The following MNAT1 variants were observed in gnomAD, a reference collection of about 807,000 sequenced individuals.
MNAT1 encodes CDK-activating kinase assembly factor MAT1.
A neutral mutation model predicts 42.0 loss-of-function variants in MNAT1; 43 were observed. The ratio of observed to expected loss-of-function variants is 1.02; its 90% confidence interval spans 0.80 to 1.32. The LOEUF is 1.32. Ranked by LOEUF, MNAT1 falls within the 40% of genes most tolerant of loss-of-function variation. MNAT1 has a pLI of 0.00. For synonymous variants in MNAT1, 118 were observed against 120.0 expected (o/e 0.98, Z 0.11); for missense variants, 306 against 350.4 (o/e 0.87, Z 1.01).
chr14:60,801,663 C>T (rs1450694263), intron 3 of MNAT1, among the ~76,000 whole-genome samples: 1 of 152,016 alleles, frequency 6.6e-6, no homozygotes, highest in African/African-American at 2.4e-5. Flanking sequence ...TGGGTATTAT[C>T]AAAAAGATGA....
At chr14:60,892,050 T>A (rs993342030) in intron 7 of MNAT1, among the ~76,000 whole-genome samples, 5 of 152,206 alleles carry the variant, frequency 3.3e-5, no homozygotes, top group Non-Finnish European at 5.9e-5. Context: ...TTATTAACAC[T>A]TAAATTATGG....
At chr14:60,900,832 C>CA (rs1410063156) in intron 7 of MNAT1, among the ~76,000 whole-genome samples, 1 of 151,082 alleles carries the variant, frequency 6.6e-6, no homozygotes, top group Non-Finnish European at 1.5e-5. Flanking sequence ...GGCAACATGG[C>CA]AAAAAATACA....
At chr14:60,958,268 A>G (rs976265746) in intron 7 of MNAT1, among the ~76,000 whole-genome samples, 1 of 152,016 alleles carries the variant, frequency 6.6e-6, no homozygotes, top group African/African-American at 2.4e-5. Context: ...TTTGTCCCTC[A>G]TTGGTGAAGG....
chr14:60,946,033 A>T (rs757309142), intron 7 of MNAT1, among the ~76,000 whole-genome samples: 48 of 152,316 alleles, frequency 3.2e-4, no homozygotes, highest in Admixed American at 9.8e-4. Flanking sequence ...TATTGGCAGA[A>T]AGGCCTGTCC....
intron 1 of MNAT1, among the ~76,000 whole-genome samples, chr14:60,781,136 AT>A (rs1399471050): frequency 6.6e-6 from 1 of 152,144 alleles, no homozygotes; most frequent in Non-Finnish European, 1.5e-5. Flanking sequence ...TTTGACTTTA[AT>A]TTATGTAACT....
chr14:60,746,143 T>G (rs1381949020), intron 1 of MNAT1, among the ~76,000 whole-genome samples: 1 of 152,198 alleles, frequency 6.6e-6, no homozygotes, highest in Non-Finnish European at 1.5e-5. Context: ...GCCATTTAAC[T>G]TTGGTTTGTT....
At chr14:60,751,349 TCTA>T (rs1430671082) in intron 1 of MNAT1, among the ~76,000 whole-genome samples, 1 of 152,152 alleles carries the variant, frequency 6.6e-6, no homozygotes, top group Admixed American at 6.5e-5. Flanking sequence ...ATCATTTTGA[TCTA>T]CTTAGAACAA....
chr14:60,917,536 A>G (rs1320337800), intron 7 of MNAT1, among the ~76,000 whole-genome samples: 2 of 152,170 alleles, frequency 1.3e-5, no homozygotes, highest in African/African-American at 2.4e-5. Context: ...GTGGTCACAC[A>G]TGAACATGGG....
intron 7 of MNAT1, among the ~76,000 whole-genome samples, chr14:60,914,556 T>TAA (rs11418104): frequency 0.22 from 32,744 of 150,174 alleles, 4,222 homozygotes; most frequent in Non-Finnish European, 0.29. Context: ...ACAGATATGG[T>TAA]AAAAAAAAAA....
In MNAT1 at chr14:60,818,924, A is replaced by G; in HGVS notation, c.687+77A>G. The G allele has an allele frequency of 2.7e-6, 4 of 1,497,982 alleles. 1 individual carries two copies. The highest frequency in any genetic ancestry group is 3.6e-6 in the Non-Finnish European group (4 of 1,106,752). The allele number at this position is 1,497,982 out of a possible 1,614,324, so 92.8% of individuals were successfully genotyped here. On this transcript the variant is annotated intron_variant, in intron 6 of 7. Coordinates refer to ENST00000261245, the MANE Select transcript of MNAT1 (RefSeq NM_002431.4). Reference sequence around the variant, plus strand: ...CTTTATAATTTTACACGATTTCTATAGTAAACCGAAATGTTCAGATGTTTA... The same window carrying G: ...CTTTATAATTTTACACGATTTCTATGGTAAACCGAAATGTTCAGATGTTTA...
intron 7 of MNAT1, among the ~76,000 whole-genome samples, chr14:60,937,660 G>A (rs1480482104): frequency 6.6e-6 from 1 of 152,202 alleles, no homozygotes; most frequent in Non-Finnish European, 1.5e-5. Flanking sequence ...AAGTCAGGCA[G>A]CATGATGCCT....
intron 7 of MNAT1, among the ~76,000 whole-genome samples, chr14:60,910,064 G>A (rs1375694311): frequency 3.9e-5 from 6 of 152,062 alleles, no homozygotes; most frequent in Non-Finnish European, 7.4e-5. Flanking sequence ...GGATTCCTAG[G>A]TATTTTATTC....
chr14:60,933,651 A>G (rs2035932702), intron 7 of MNAT1, among the ~76,000 whole-genome samples: 1 of 152,190 alleles, frequency 6.6e-6, no homozygotes, highest in African/African-American at 2.4e-5. Context: ...AAAAAGCATA[A>G]TCACATCTAA....
chr14:60,789,816 C>T (rs2031761837), intron 1 of MNAT1, among the ~76,000 whole-genome samples: 1 of 152,210 alleles, frequency 6.6e-6, no homozygotes, highest in African/African-American at 2.4e-5. Context: ...TGGCTTAGAG[C>T]ATTTGGAATA....
At chr14:60,798,237 A>G (rs555522175) in intron 3 of MNAT1, 77 bp downstream of exon 3, 6 of 746,404 alleles carry the variant, frequency 8.0e-6, no homozygotes, top group Non-Finnish European at 1.1e-5. Context: ...AGAACATCTC[A>G]CATAAAAACC....
At chr14:60,926,339 C>G (rs1264575709) in intron 7 of MNAT1, among the ~76,000 whole-genome samples, 6 of 152,202 alleles carry the variant, frequency 3.9e-5, no homozygotes, top group Non-Finnish European at 7.3e-5. Flanking sequence ...CTGACACTGT[C>G]TATCTGAAGA....
intron 7 of MNAT1, among the ~76,000 whole-genome samples, chr14:60,954,202 A>G (rs1406209792): frequency 6.6e-6 from 1 of 152,098 alleles, no homozygotes; most frequent in Non-Finnish European, 1.5e-5. Flanking sequence ...GTTATTCCAC[A>G]TGAATTTTAG....
chr14:60,800,154 ATAT>A (rs72148606), intron 3 of MNAT1, among the ~76,000 whole-genome samples: 3,459 of 152,082 alleles, frequency 0.023, 145 homozygotes, highest in African/African-American at 0.079. Context: ...TACATATTTA[ATAT>A]TATATGTAAT....
chr14:60,755,777 G>T (rs2030324359), intron 1 of MNAT1, among the ~76,000 whole-genome samples: 1 of 152,142 alleles, frequency 6.6e-6, no homozygotes. Context: ...GCATTATACT[G>T]AAAAGACTTA....
Sources: allele counts gnomAD v4.1 joint callset (sites outside exome capture counted in the v4.1 genomes callset), GRCh38; gene constraint gnomAD v4.1.1; transcripts MANE v1.5; gene names NCBI Gene and HGNC (gene_info 2026-07-23, HGNC 2026-07-21).